EIF2AK1: variants seen among roughly 807,000 people sequenced by gnomAD.
EIF2AK1 encodes the protein eukaryotic translation initiation factor 2-alpha kinase 1.
A neutral mutation model predicts 77.9 loss-of-function variants in EIF2AK1; 54 were observed. That is an observed-to-expected ratio of 0.69 (90% CI 0.56 to 0.87). The LOEUF (loss-of-function observed/expected upper bound fraction) is 0.87, where lower values mean the gene tolerates loss of function less well. Among genes scored for constraint, EIF2AK1 ranks in the 40% least tolerant of loss-of-function variants. The pLI is 0.00. For missense variants in EIF2AK1, 810 were observed against 768.6 expected (o/e 1.05, Z -0.64); for synonymous variants, 314 against 290.5 (o/e 1.08, Z -0.82).
chr7:6,056,242 G>A lies in EIF2AK1; in HGVS notation c.119-1538C>T, dbSNP rs535432658. Reference sequence around the variant, plus strand: ...CAGGAGGTGGAGGTTGCAGTGAGCCGAGATCCAGCCATTGCACTCCAGCCC... The same window carrying A: ...CAGGAGGTGGAGGTTGCAGTGAGCCAAGATCCAGCCATTGCACTCCAGCCC... On this transcript the variant is annotated intron_variant, in intron 1 of 14. Coordinates refer to ENST00000199389, the MANE Select transcript of EIF2AK1 (RefSeq NM_014413.4). Among the ~76,000 whole-genome samples the A allele has an allele frequency of 5.8e-5, 8 of 138,962 alleles. No individual in the cohort carries two copies. The South Asian group carries it at 1.2e-3, about 21-fold the overall frequency. 91.2% of individuals were successfully genotyped at this position (138,962 alleles called of 152,430 possible).
In EIF2AK1 at chr7:6,058,089, C is replaced by T. The variant is rs1237032309; in HGVS notation, c.118+877G>A. 10 of 455,100 alleles carry T rather than the reference C, an allele frequency of 2.2e-5. 1 individual carries two copies. Among genetic ancestry groups the T allele is most frequent in the East Asian group, 2.1e-4 (3 of 14,376 alleles). 28.2% of individuals were successfully genotyped at this position (455,100 alleles called of 1,614,324 possible). ...TCTATGCTAAGTAACTTAGCTACCCCGTATCTCCTAGTAAACAAAAGCCTC... is the reference window on the plus strand; with the variant it reads ...TCTATGCTAAGTAACTTAGCTACCCTGTATCTCCTAGTAAACAAAAGCCTC... On this transcript the variant is annotated intron_variant, in intron 1 of 14. Coordinates refer to ENST00000199389, the MANE Select transcript of EIF2AK1 (RefSeq NM_014413.4).
chr7:6,026,003 A>G (rs953007366), intron 14 of EIF2AK1, among the ~76,000 whole-genome samples: 27 of 151,914 alleles, frequency 1.8e-4, no homozygotes, highest in African/African-American at 6.5e-4. Context: ...TAAAAAAAAA[A>G]CATGTACAGA....
rs372511588 is a variant in EIF2AK1 at position 6,043,573 on chromosome 7, T to C, written c.731-580A>G. On this transcript the variant is annotated intron_variant, in intron 7 of 14. Coordinates refer to ENST00000199389, the MANE Select transcript of EIF2AK1 (RefSeq NM_014413.4). Reference sequence around the variant, plus strand: ...CCTCCCGAGTAGCCGGGACTACAGGTGCTCACCACCATGCCCACCTCATTT... The same window carrying C: ...CCTCCCGAGTAGCCGGGACTACAGGCGCTCACCACCATGCCCACCTCATTT... Among the ~76,000 whole-genome samples, 3 of 151,802 alleles carry C rather than the reference T, an allele frequency of 2.0e-5. No individual in the cohort carries two copies. The East Asian group carries it at 5.9e-4, about 30-fold the overall frequency.
At chr7:6,044,307 T>A (rs1389316261) in intron 7 of EIF2AK1, among the ~76,000 whole-genome samples, 16 of 146,980 alleles carry the variant, frequency 1.1e-4, no homozygotes, top group African/African-American at 4.0e-4. Context: ...TACTAAAAAA[T>A]ACCAAAAAAA....
intron 8 of EIF2AK1, among the ~76,000 whole-genome samples, chr7:6,041,976 C>T (rs1254044561): frequency 6.6e-6 from 1 of 152,070 alleles, no homozygotes; most frequent in Non-Finnish European, 1.5e-5. Context: ...TGGCAAAACC[C>T]CATCTCTACA....
At chr7:6,026,572 C>T (rs1198737497) in intron 14 of EIF2AK1, 156 bp downstream of exon 14, 1 of 726,698 alleles carries the variant, frequency 1.4e-6, no homozygotes, top group East Asian at 2.7e-5. Flanking sequence ...AGCTGAGTGC[C>T]AGGAAGTGGA....
chr7:6,042,734 C>T lies in EIF2AK1; in HGVS notation c.791+199G>A, dbSNP rs572560737. 8.0e-4 allele frequency among the ~76,000 whole-genome samples: 122 copies of T among 152,114 alleles called. 1 individual carries two copies. Among genetic ancestry groups the T allele is most frequent in the African/African-American group, 2.6e-3 (109 of 41,506 alleles). On this transcript the variant is annotated intron_variant, in intron 8 of 14. Transcript: ENST00000199389. ...ACAAAAAACTAGCTGGGTGTGGTGG[C>T]GGGCACCTATAGTCCCAGCTATTCG...
Position 6,032,848 on chromosome 7 carries a change from T to C in EIF2AK1, c.1333-3816A>G, listed in dbSNP as rs9692560. 7.4e-3 allele frequency: 11,442 copies of C among 1,550,752 alleles called. 680 individuals are homozygous for C. In the African/African-American group the frequency reaches 0.14, roughly 18 times the overall value. On this transcript the variant is annotated intron_variant, in intron 11 of 14. Transcript: ENST00000199389. The surrounding 1 kb of genome is among the most constrained non-coding windows in gnomAD (Gnocchi z 4.3). Reference sequence around the variant, plus strand: ...TGTTTTCCCTCCAAAGCCGACAGAGTCTATCATCCCCATCCATCTGGCTGC... The same window carrying C: ...TGTTTTCCCTCCAAAGCCGACAGAGCCTATCATCCCCATCCATCTGGCTGC...
chr7:6,039,404 G>A (rs1287278220), intron 9 of EIF2AK1, among the ~76,000 whole-genome samples: 2 of 150,460 alleles, frequency 1.3e-5, no homozygotes, highest in African/African-American at 4.9e-5. Context: ...GGTGGATCAC[G>A]AGGTCAGGAG....
chr7:6,044,202 T>C (rs533712254), intron 7 of EIF2AK1, among the ~76,000 whole-genome samples: 21 of 152,122 alleles, frequency 1.4e-4, no homozygotes, highest in Middle Eastern at 3.4e-3. Flanking sequence ...CGGTGGCTCA[T>C]GCCTGTAATC....
chr7:6,033,215 T>A lies in EIF2AK1; in HGVS notation c.1333-4183A>T, dbSNP rs7791669. Among the ~76,000 whole-genome samples, 1 of 152,092 alleles carries A rather than the reference T, an allele frequency of 6.6e-6. No individual in the cohort carries two copies. Among genetic ancestry groups the A allele is most frequent in the African/African-American group, 2.4e-5 (1 of 41,416 alleles). ...AACTCCTGGCCTCAAGTGATCCACC[T>A]GCCTCGGCCTCCCAAAGTGCTGGGA... On this transcript the variant is annotated intron_variant, in intron 11 of 14. Transcript: ENST00000199389. The surrounding 1 kb of genome is among the most constrained non-coding windows in gnomAD (Gnocchi z 4.4).
chr7:6,036,407 C>T lies in EIF2AK1; in HGVS notation c.1332+1017G>A. ...CTTGAAATAAGACCTCCCAGTTTCA[C>T]AGCAGAGGGACTTTCAGCCACTCAA... On this transcript the variant is annotated intron_variant, in intron 11 of 14. Coordinates refer to ENST00000199389, the MANE Select transcript of EIF2AK1 (RefSeq NM_014413.4). This position sits in a 1 kb window ranked among gnomAD's most constrained non-coding sequence, Gnocchi z 4.6. 9 of 1,436,820 alleles carry T rather than the reference C, an allele frequency of 6.3e-6. No individual in the cohort carries two copies. The highest frequency in any genetic ancestry group is 8.2e-6 in the Non-Finnish European group (9 of 1,095,550). 89.0% of individuals were successfully genotyped at this position (1,436,820 alleles called of 1,614,324 possible).
chr7:6,027,840 G>T lies in EIF2AK1; in HGVS notation c.1530+775C>A. On this transcript the variant is annotated intron_variant, in intron 13 of 14. Transcript: ENST00000199389. This position sits in a 1 kb window ranked among gnomAD's most constrained non-coding sequence, Gnocchi z 4.5. The stretch of plus-strand genomic sequence containing the variant: ...AGCACTTTGGGAGGCCAAGGGAGGA[G>T]AATCATTTGAGGCCAGGAGTTTGAG... 1 of 373,078 alleles carries T rather than the reference G, an allele frequency of 2.7e-6. No individual in the cohort carries two copies. The highest frequency in any genetic ancestry group is 1.9e-5 in the South Asian group (1 of 51,458). The allele number at this position is 373,078 out of a possible 1,614,324, so 23.1% of individuals were successfully genotyped here.
chr7:6,041,957 T>G (rs1788311509), intron 8 of EIF2AK1, among the ~76,000 whole-genome samples: 1 of 151,738 alleles, frequency 6.6e-6, no homozygotes, highest in Non-Finnish European at 1.5e-5. Context: ...AACACTAGCC[T>G]GAACAGCATG....
chr7:6,035,364 G>A lies in EIF2AK1; in HGVS notation c.1332+2060C>T. On this transcript the variant is annotated intron_variant, in intron 11 of 14. Transcript: ENST00000199389. The surrounding 1 kb of genome is among the most constrained non-coding windows in gnomAD (Gnocchi z 5.5). ...AAGGGTCTTACTTTAAATAAATACT[G>A]GCTTCTTAAGCATTAACTGTCCACG... The A allele has an allele frequency of 7.8e-7, 1 of 1,282,372 alleles. No homozygotes were observed. The highest frequency in any genetic ancestry group is 1.1e-6 in the Non-Finnish European group (1 of 933,176). The allele number at this position is 1,282,372 out of a possible 1,614,324, so 79.4% of individuals were successfully genotyped here.
chr7:6,045,567 C>T (rs1288153427), intron 6 of EIF2AK1, among the ~76,000 whole-genome samples: 1 of 151,984 alleles, frequency 6.6e-6, no homozygotes, highest in Admixed American at 6.6e-5. Flanking sequence ...ACCGTCACTA[C>T]TATTTCAGGG....
chr7:6,038,720 A>G, intron 9 of EIF2AK1, 49 bp from the exon 10 acceptor site: 1 of 1,472,130 alleles, frequency 6.8e-7, no homozygotes, highest in Non-Finnish European at 9.3e-7. Context: ...ATTCACTCGC[A>G]TTATTCATTT....
chr7:6,031,457 CT>C, intron 11 of EIF2AK1: 2 of 1,550,818 alleles, frequency 1.3e-6, no homozygotes, highest in Non-Finnish European at 1.7e-6. Flanking sequence ...ATCTGCAGCA[CT>C]TCACTCGAAA....
At position 6,044,661 on chromosome 7, in the gene EIF2AK1, C is replaced by T; in HGVS notation, c.631G>A (p.Val211Ile). The T allele has an allele frequency of 2.5e-6, 4 of 1,613,322 alleles. No homozygotes were observed. Among genetic ancestry groups the T allele is most frequent in the Non-Finnish European group, 2.5e-6 (3 of 1,179,590 alleles). Residue 211 changes from valine (V) to isoleucine (I), a missense_variant and splice_region_variant, in exon 7 of 15, where the codon GTC (valine) becomes ATC (isoleucine). Around this residue, in one of 3 missense-constraint regions of EIF2AK1, gnomAD observed 549 missense variants for 533.7 expected, o/e 1.03. Coordinates refer to ENST00000199389, the MANE Select transcript of EIF2AK1 (RefSeq NM_014413.4). ...KGATKTVCMK[V>I]LREVKVLAGL... The stretch of plus-strand genomic sequence containing the variant: ...GCCAGCACCTTCACTTCCCGTAGGA[C>T]CTAGAAAAGAAATGGAAGTAGATCT...
Sources: allele counts gnomAD v4.1 joint callset (sites outside exome capture counted in the v4.1 genomes callset), GRCh38; gene constraint gnomAD v4.1.1; regional missense constraint gnomAD v4.1.1; non-coding constraint Gnocchi (gnomAD v3.1); transcripts MANE v1.5; gene names NCBI Gene and HGNC (gene_info 2026-07-23, HGNC 2026-07-21).